The following ZDHHC11 variants were observed in gnomAD, a reference collection of about 807,000 sequenced individuals.
ZDHHC11 encodes palmitoyltransferase ZDHHC11.
In ZDHHC11, 44 loss-of-function variants were observed where a neutral mutation model predicts 51.3. The ratio of observed to expected loss-of-function variants is 0.86; its 90% CI spans 0.67 to 1.10. The LOEUF is 1.10. Among genes scored for constraint, ZDHHC11 ranks in the 50% least tolerant of loss-of-function variants. ZDHHC11 has a pLI of 0.00. For synonymous variants in ZDHHC11, 163 were observed against 222.0 expected (o/e 0.73, Z 2.36); for missense variants, 400 against 537.7 (o/e 0.74, Z 2.53).
chr5:842,773 A>G (rs1367367277), intron 4 of ZDHHC11: 37 of 882,632 alleles, frequency 4.2e-5, no homozygotes, highest in South Asian at 5.1e-5. Flanking sequence ...GCTGCAGGAC[A>G]GTTGGGCACG....
chr5:824,449 A>G (rs1742010599), intron 8 of ZDHHC11, among the ~76,000 whole-genome samples: 1 of 151,362 alleles, frequency 6.6e-6, no homozygotes, highest in African/African-American at 2.4e-5. Context: ...TGATGGAGTG[A>G]GATCTCATCT....
chr5:859,417 T>C (rs1320613107), upstream of ZDHHC11, among the ~76,000 whole-genome samples: 1 of 152,128 alleles, frequency 6.6e-6, no homozygotes, highest in African/African-American at 2.4e-5. Flanking sequence ...TTGCAACGCG[T>C]TGTGGTCCGC....
In ZDHHC11 at chr5:806,345, G is replaced by C. The variant is rs775302847; in HGVS notation, c.1182-5181C>G. ...GAGCTGGAAACAATACAAATCCATA[G>C]AGGGAAGAATGAAGTTAGATCTCTA... On this transcript the variant is annotated intron_variant, in intron 11 of 12. Coordinates refer to ENST00000283441, the MANE Select transcript of ZDHHC11 (RefSeq NM_024786.3). Among the ~76,000 whole-genome samples the C allele has an allele frequency of 1.5e-4, 22 of 151,202 alleles. 1 individual carries two copies. The highest frequency in any genetic ancestry group is 6.3e-3 in the Middle Eastern group (2 of 316).
chr5:835,939 G>C (rs1271984926), intron 6 of ZDHHC11, among the ~76,000 whole-genome samples: 1 of 151,866 alleles, frequency 6.6e-6, no homozygotes, highest in Non-Finnish European at 1.5e-5. Context: ...CCACATCCTT[G>C]TTAAGTGATT....
chr5:841,573 C>G, intron 4 of ZDHHC11: 3 of 1,002,078 alleles, frequency 3.0e-6, no homozygotes, highest in Non-Finnish European at 3.6e-6. Context: ...CCTGCCAGCT[C>G]TGCCAGGCCC....
At position 800,569 on chromosome 5, in the gene ZDHHC11, T is replaced by G; in HGVS notation, c.*7+531A>C. On this transcript the variant is annotated intron_variant, in intron 12 of 12. Transcript: ENST00000283441. ...CATGTCTGGATGGTTTGCCAACTCA[T>G]GTGTGTGCCTGATAGCAAATTCCTT... Among the ~76,000 whole-genome samples the G allele has an allele frequency of 1.3e-5, 2 of 151,494 alleles. 1 individual carries two copies. Among genetic ancestry groups the G allele is most frequent in the Non-Finnish European group, 3.0e-5 (2 of 67,774 alleles).
rs1737490032 is a variant in ZDHHC11 at position 795,853 on chromosome 5, C to CATTTCTGAGTACTGTGCTCCT, written c.*734_*735insAGGAGCACAGTACTCAGAAAT. 3 of 78,784 alleles carry CATTTCTGAGTACTGTGCTCCT rather than the reference C, an allele frequency of 3.8e-5. No individual in the cohort carries two copies. In the African/African-American group the frequency reaches 7.6e-4, roughly 20 times the overall value. 4.9% of individuals were successfully genotyped at this position (78,784 alleles called of 1,614,324 possible). Reference sequence around the variant, plus strand: ...CTCCCATTTCCCAGTACTATGCTCCCATTTCCGAGTACTGTGAACTCCCCT... The same window carrying CATTTCTGAGTACTGTGCTCCT: ...CTCCCATTTCCCAGTACTATGCTCCCATTTCTGAGTACTGTGCTCCTATTTCCGAGTACTGTGAACTCCCCT... On this transcript the variant is annotated 3_prime_UTR_variant, in exon 13 of 13. Coordinates refer to ENST00000283441, the MANE Select transcript of ZDHHC11 (RefSeq NM_024786.3).
chr5:812,446 A>G (rs1740216103), intron 11 of ZDHHC11, among the ~76,000 whole-genome samples: 1 of 151,714 alleles, frequency 6.6e-6, no homozygotes, highest in Non-Finnish European at 1.5e-5. Flanking sequence ...TACAAGAGGA[A>G]CTGTGAAACG....
At chr5:816,310 AAGATATTCTCTGG>A (rs1200292862) in intron 10 of ZDHHC11, 2 of 313,716 alleles carry the variant, frequency 6.4e-6, no homozygotes, top group Non-Finnish European at 1.3e-5. Context: ...GAAGATCACA[AAGATATTCTCTGG>A]AGGGAGACTC....
chr5:812,808 C>CT (rs1740268767), intron 11 of ZDHHC11, among the ~76,000 whole-genome samples: 1 of 151,294 alleles, frequency 6.6e-6, no homozygotes, highest in Non-Finnish European at 1.5e-5. Flanking sequence ...CAATGGTTGA[C>CT]TAAGCCACGG....
At chr5:857,126 G>C (rs1483455215) in intron 1 of ZDHHC11, among the ~76,000 whole-genome samples, 2 of 152,214 alleles carry the variant, frequency 1.3e-5, no homozygotes, top group African/African-American at 4.8e-5. Context: ...TGTGAGTCAT[G>C]ACACTGAAGA....
intron 6 of ZDHHC11, among the ~76,000 whole-genome samples, chr5:834,115 G>A (rs1331810257): frequency 3.3e-5 from 5 of 152,306 alleles, no homozygotes; most frequent in Non-Finnish European, 7.3e-5. Flanking sequence ...AAACGCAGGA[G>A]ACTTGCAATT....
chr5:818,543 G>A (rs588820), intron 10 of ZDHHC11, among the ~76,000 whole-genome samples: 19,258 of 151,288 alleles, frequency 0.13, 1,925 homozygotes, highest in South Asian at 0.21. Context: ...GAAGCTGGCC[G>A]CCTCACAAAG....
In ZDHHC11 at chr5:802,604, C is replaced by G. The variant is rs147685751; in HGVS notation, c.1182-1440G>C. Among the ~76,000 whole-genome samples, 645 of 149,788 alleles carry G rather than the reference C, an allele frequency of 4.3e-3. 9 individuals are homozygous for G. The highest frequency in any genetic ancestry group is 0.015 in the African/African-American group (629 of 40,682). ...TCCTTCCACTGAAACAACCATTGAG[C>G]TATAAAGAGCAATTGCAATGAATTA... On this transcript the variant is annotated intron_variant, in intron 11 of 12. Transcript: ENST00000283441.
intron 4 of ZDHHC11, among the ~76,000 whole-genome samples, chr5:842,872 C>G (rs1257872888): frequency 2.0e-5 from 3 of 152,126 alleles, no homozygotes; most frequent in Non-Finnish European, 2.9e-5. Context: ...GTGACTCCAC[C>G]CCTGCCTCCA....
At chr5:814,107 C>T (rs10068168) in intron 11 of ZDHHC11, among the ~76,000 whole-genome samples, 31,265 of 133,402 alleles carry the variant, frequency 0.23, 10,149 homozygotes, top group African/African-American at 0.68. Flanking sequence ...AAAAATGAAA[C>T]AGCAAACAAG....
At chr5:801,848 A>C (rs1579524038) in intron 11 of ZDHHC11, among the ~76,000 whole-genome samples, 1 of 151,360 alleles carries the variant, frequency 6.6e-6, no homozygotes, top group African/African-American at 2.4e-5. Context: ...GAGACTTCTA[A>C]ATCAAAACTG....
At chr5:854,796 A>C (rs1259866703), upstream of ZDHHC11, among the ~76,000 whole-genome samples, 13 of 127,394 alleles carry the variant, frequency 1.0e-4, no homozygotes, top group South Asian at 2.8e-4. Context: ...GACAGTGAGG[A>C]GCGGGGACAG....
In ZDHHC11 at chr5:828,387, C is replaced by T. The variant is rs528118433; in HGVS notation, c.936-3136G>A. ...AGGTGCCCCCCACCTCCCTCCTGGA[C>T]GGGGCGGCTGGCCGGGTGGAGGTGC... On this transcript the variant is annotated intron_variant, in intron 7 of 12. Coordinates refer to ENST00000283441, the MANE Select transcript of ZDHHC11 (RefSeq NM_024786.3). 8.1e-4 allele frequency among the ~76,000 whole-genome samples: 120 copies of T among 148,710 alleles called. 2 individuals carry two copies. The Middle Eastern group carries it at 0.038, about 48-fold the overall frequency.
Sources: allele counts gnomAD v4.1 joint callset (sites outside exome capture counted in the v4.1 genomes callset), GRCh38; gene constraint gnomAD v4.1.1; transcripts MANE v1.5; gene names NCBI Gene and HGNC (gene_info 2026-07-23, HGNC 2026-07-21).